CEP170: variants seen among roughly 807,000 people sequenced by gnomAD.
CEP170 encodes centrosomal protein 170.
CEP170 carries 21 observed loss-of-function variants against 151.9 expected under a neutral mutation model. That is an observed-to-expected ratio of 0.14 (90% confidence interval 0.10 to 0.20). The LOEUF is 0.20. Ranked by LOEUF, CEP170 falls within the 10% of genes least tolerant of loss-of-function variation. CEP170 has a pLI of 1.00. For synonymous variants in CEP170, 356 were observed against 648.8 expected, an observed-to-expected ratio of 0.55 and a Z score of 6.86; for missense variants, 964 against 1,892.9, an observed-to-expected ratio of 0.51 and a Z score of 9.11.
intron 13 of CEP170, among the ~76,000 whole-genome samples, chr1:243,163,953 C>A (rs2058259286): frequency 6.6e-6 from 1 of 152,058 alleles, no homozygotes; most frequent in African/African-American, 2.4e-5. Context: ...CAGATACTTC[C>A]AGATAATTTA....
intron 7 of CEP170, among the ~76,000 whole-genome samples, chr1:243,194,751 A>G (rs2060531612): frequency 6.6e-6 from 1 of 151,892 alleles, no homozygotes; most frequent in African/African-American, 2.4e-5. Context: ...ACATTCATCT[A>G]TCTTCAAAAC....
intron 10 of CEP170, among the ~76,000 whole-genome samples, chr1:243,177,670 G>A (rs190963371): frequency 6.6e-6 from 1 of 152,040 alleles, no homozygotes; most frequent in Non-Finnish European, 1.5e-5. Context: ...AACTAAATCA[G>A]GATGATTTAA....
At chr1:243,213,961 T>C (rs575769108) in intron 3 of CEP170, among the ~76,000 whole-genome samples, 93 of 152,310 alleles carry the variant, frequency 6.1e-4, no homozygotes, top group Non-Finnish European at 1.1e-3. Flanking sequence ...TCCTCCTGCA[T>C]TGGCCTCCCA....
intron 4 of CEP170, among the ~76,000 whole-genome samples, chr1:243,210,408 A>G (rs550027308): frequency 2.0e-5 from 3 of 152,194 alleles, no homozygotes; most frequent in Non-Finnish European, 2.9e-5. Context: ...ACACCCATTC[A>G]TTAAGGCTTT....
At chr1:243,212,744 G>A (rs1483688511) in intron 3 of CEP170, among the ~76,000 whole-genome samples, 1 of 151,920 alleles carries the variant, frequency 6.6e-6, no homozygotes, top group African/African-American at 2.4e-5. Context: ...GTGCACTGCA[G>A]CCTTGATTTC....
At chr1:243,241,188 C>T (rs2064802341) in intron 1 of CEP170, among the ~76,000 whole-genome samples, 1 of 152,142 alleles carries the variant, frequency 6.6e-6, no homozygotes, top group Admixed American at 6.5e-5. Context: ...CTTAGAAGTA[C>T]TAAGGAATAC....
chr1:243,169,702 A>C lies in CEP170; in HGVS notation c.1769T>G (p.Leu590Trp). 1.2e-6 allele frequency: 2 copies of C among 1,613,690 alleles called. No homozygotes were observed. The highest frequency in any genetic ancestry group is 1.7e-6 in the Non-Finnish European group (2 of 1,179,698). ...ATCATGCCTTGTATGATTGGCAGCC[A>C]AACTAGCCCACTGTGAAACCCAACG... ...SKRWVSQWAS[L>W]AANHTRHDQE... Residue 590 changes from leucine (L) to tryptophan (W), a missense_variant, in exon 12 of 20, where the codon TTG becomes TGG. Physicochemically the swap from Leu to Trp is moderately conservative, Grantham distance 61. Coordinates refer to ENST00000366542, the MANE Select transcript of CEP170 (RefSeq NM_014812.3).
chr1:243,159,763 T>TTGTGCG (rs1553343088), intron 13 of CEP170, among the ~76,000 whole-genome samples: 1 of 127,076 alleles, frequency 7.9e-6, no homozygotes, highest in Non-Finnish European at 1.7e-5. Flanking sequence ...GTTTCCGGTT[T>TTGTGCG]TGTGTGTGTG....
At chr1:243,253,397 T>A (rs1399987320) in intron 1 of CEP170, 3 of 152,222 alleles carry the variant, frequency 2.0e-5, no homozygotes, top group Non-Finnish European at 4.4e-5. Context: ...AGAATGGACC[T>A]TGAGTTTCGT....
In CEP170 at chr1:243,185,066, T is replaced by C. The variant is rs182467196; in HGVS notation, c.1566+713A>G. ...CCATTACTTTCAACGGCAACCTTGA[T>C]AGCTGATTCTAAAGTCAACCTTTCA... On this transcript the variant is annotated intron_variant, in intron 10 of 19. Coordinates refer to ENST00000366542, the MANE Select transcript of CEP170 (RefSeq NM_014812.3). The surrounding 1 kb of genome is among the most constrained non-coding windows in gnomAD (Gnocchi z 4.9). Among the ~76,000 whole-genome samples the C allele has an allele frequency of 4.6e-5, 7 of 152,334 alleles. No homozygotes were observed. The highest frequency in any genetic ancestry group is 2.4e-5 in the African/African-American group (1 of 41,572).
intron 17 of CEP170, among the ~76,000 whole-genome samples, chr1:243,131,176 G>T (rs1201911468): frequency 6.6e-6 from 1 of 151,954 alleles, no homozygotes; most frequent in African/African-American, 2.4e-5. Flanking sequence ...CCCCCCTGAA[G>T]AAATAAATGG....
chr1:243,240,050 G>A (rs1217865763), intron 1 of CEP170, among the ~76,000 whole-genome samples: 1 of 152,126 alleles, frequency 6.6e-6, no homozygotes, highest in East Asian at 1.9e-4. Flanking sequence ...ATCTGGCCGG[G>A]CTGTAATCCC....
intron 1 of CEP170, among the ~76,000 whole-genome samples, chr1:243,252,143 G>A (rs769496682): frequency 3.9e-5 from 6 of 152,106 alleles, no homozygotes; most frequent in Non-Finnish European, 8.8e-5. Context: ...GAATGCTCCA[G>A]TCAATACTAT....
intron 1 of CEP170, among the ~76,000 whole-genome samples, chr1:243,243,447 A>G (rs1168813679): frequency 1.3e-5 from 2 of 152,212 alleles, no homozygotes; most frequent in Admixed American, 1.3e-4. Flanking sequence ...AAGCTTCCCT[A>G]AATAGCTCTT....
upstream of CEP170, among the ~76,000 whole-genome samples, chr1:243,255,565 C>A (rs1336594400): frequency 6.6e-6 from 1 of 152,176 alleles, no homozygotes; most frequent in Non-Finnish European, 1.5e-5. Flanking sequence ...TAGTGTCGGC[C>A]GCCTTTACAA....
intron 10 of CEP170, among the ~76,000 whole-genome samples, chr1:243,173,221 C>T (rs1314578453): frequency 1.1e-4 from 17 of 151,488 alleles, no homozygotes; most frequent in East Asian, 2.0e-4. Flanking sequence ...CAACCATGCC[C>T]GGCTAATTTT....
intron 3 of CEP170, among the ~76,000 whole-genome samples, chr1:243,220,765 G>C (rs2062726275): frequency 6.6e-6 from 1 of 152,120 alleles, no homozygotes; most frequent in South Asian, 2.1e-4. Context: ...TGAAATAAAA[G>C]AAATAATTCA....
chr1:243,250,825 A>G (rs776070783), intron 1 of CEP170, among the ~76,000 whole-genome samples: 1 of 152,254 alleles, frequency 6.6e-6, no homozygotes, highest in Non-Finnish European at 1.5e-5. Flanking sequence ...AAGAGTTGAT[A>G]CAATTTTAGA....
At chr1:243,164,116 A>C (rs1159645243) in intron 13 of CEP170, among the ~76,000 whole-genome samples, 168 bp downstream of exon 13, 3 of 152,174 alleles carry the variant, frequency 2.0e-5, no homozygotes, top group Non-Finnish European at 2.9e-5. Flanking sequence ...TATGCTAAAT[A>C]AAACTGTTTT....
Sources: allele counts gnomAD v4.1 joint callset (sites outside exome capture counted in the v4.1 genomes callset), GRCh38; gene constraint gnomAD v4.1.1; non-coding constraint Gnocchi (gnomAD v3.1); transcripts MANE v1.5; gene names NCBI Gene and HGNC (gene_info 2026-07-23, HGNC 2026-07-21).